TENM2: variants seen among roughly 807,000 people sequenced by gnomAD.
TENM2 encodes the protein teneurin-2.
TENM2 carries 52 observed loss-of-function variants against 245.2 expected under a neutral mutation model. The observed-to-expected ratio is 0.21, with a 90% confidence interval of 0.17 to 0.27. The LOEUF is 0.27. Among genes scored for constraint, TENM2 ranks in the 10% least tolerant of loss-of-function variants. The pLI, the probability that TENM2 is intolerant of heterozygous loss-of-function variation, is 1.00. For missense variants in TENM2, 3,046 were observed against 3,666.8 expected (o/e 0.83, Z 4.37); for synonymous variants, 1,363 against 1,438.9 (o/e 0.95, Z 1.19).
exon 5 of TENM2, chr5:167,993,074 A>G (rs780213834): frequency 6.2e-7 from 1 of 1,613,988 alleles, no homozygotes; most frequent in Non-Finnish European, 8.5e-7. Flanking sequence ...TTTCTCCAGG[A>G]AGGCTTTCAA....
At position 167,993,000 on chromosome 5, in the gene TENM2, C is replaced by T. The variant is rs1037422619; in HGVS notation, c.1004C>T (p.Pro335Leu). The T allele has an allele frequency of 1.9e-6, 3 of 1,613,954 alleles. No homozygotes were observed. The highest frequency in any genetic ancestry group is 4.5e-5 in the East Asian group (2 of 44,864). The stretch of plus-strand genomic sequence containing the variant: ...ACACCCTTGTTCAGCAGCTCTTCCC[C>T]GGGATACCCTTTGACCTCAGGAACG... Residue 335 changes from proline (P) to leucine (L), a missense_variant, in exon 5 of 29, where the codon CCG becomes CTG. Physicochemically the swap from Pro to Leu is moderately conservative, Grantham distance 98. Coordinates refer to ENST00000518659, the Ensembl canonical transcript of TENM2.
At chr5:167,974,768 C>T (rs919130370) in intron 4 of TENM2, among the ~76,000 whole-genome samples, 22 of 152,166 alleles carry the variant, frequency 1.4e-4, no homozygotes, top group African/African-American at 4.3e-4. Flanking sequence ...TAACCATCGC[C>T]CCATCCAGCC....
At chr5:167,061,129 C>T in the TENM2 span, among the ~76,000 whole-genome samples, 2 of 151,778 alleles carry the variant, frequency 1.3e-5, no homozygotes, top group Non-Finnish European at 2.9e-5. Context: ...CACATGCATA[C>T]GCACCCCCCA....
intron 1 of TENM2, among the ~76,000 whole-genome samples, chr5:167,308,898 G>A (rs960709886): frequency 1.6e-4 from 25 of 152,212 alleles, no homozygotes; most frequent in Admixed American, 1.6e-3. Context: ...CCATTTTGGG[G>A]GTGAAGGTTA....
At chr5:168,080,173 C>T (rs1315585184) in intron 7 of TENM2, among the ~76,000 whole-genome samples, 8 of 152,052 alleles carry the variant, frequency 5.3e-5, no homozygotes, top group South Asian at 2.1e-4. Context: ...GTGTGTGTGT[C>T]GAGGAATTTA....
At chr5:167,339,347 C>T (rs756746651) in intron 1 of TENM2, among the ~76,000 whole-genome samples, 2 of 152,116 alleles carry the variant, frequency 1.3e-5, no homozygotes, top group Non-Finnish European at 2.9e-5. Flanking sequence ...GATCTCTGTC[C>T]TCTTTAGCTG....
the TENM2 span, among the ~76,000 whole-genome samples, chr5:167,204,338 G>A: frequency 1.3e-5 from 2 of 152,180 alleles, no homozygotes; most frequent in Admixed American, 6.6e-5. Context: ...TAGCATCCAA[G>A]CTGTTTGGAA....
At chr5:167,384,058 A>T (rs2127344640) in intron 2 of TENM2, among the ~76,000 whole-genome samples, 1 of 152,282 alleles carries the variant, frequency 6.6e-6, no homozygotes, top group Non-Finnish European at 1.5e-5. Flanking sequence ...TTGTATTGGT[A>T]ATGACCGTAT....
At chr5:168,202,856 A>C (rs564294153) in intron 17 of TENM2, among the ~76,000 whole-genome samples, 2 of 152,222 alleles carry the variant, frequency 1.3e-5, no homozygotes, top group African/African-American at 4.8e-5. Flanking sequence ...GCAATGCCTC[A>C]TATTTCTAGA....
intron 3 of TENM2, among the ~76,000 whole-genome samples, chr5:167,921,907 A>G (rs1446421361): frequency 1.3e-5 from 2 of 152,144 alleles, no homozygotes; most frequent in African/African-American, 4.8e-5. Context: ...GGATTATAGA[A>G]CTTTCTCTGG....
chr5:167,049,444 A>C, the TENM2 span, among the ~76,000 whole-genome samples: 1 of 152,244 alleles, frequency 6.6e-6, no homozygotes, highest in Non-Finnish European at 1.5e-5. Flanking sequence ...TTACAATAGT[A>C]TTAATATGTA....
chr5:167,888,236 A>T (rs1774451776), intron 3 of TENM2, among the ~76,000 whole-genome samples: 1 of 152,112 alleles, frequency 6.6e-6, no homozygotes, highest in African/African-American at 2.4e-5. Context: ...ATAGCTCCCT[A>T]TGTCTTCTCT....
intron 5 of TENM2, among the ~76,000 whole-genome samples, chr5:168,043,156 G>A (rs553288214): frequency 6.6e-6 from 1 of 152,298 alleles, no homozygotes; most frequent in African/African-American, 2.4e-5. Context: ...GTGCATCCAG[G>A]ATCTCTTGAG....
intron 2 of TENM2, among the ~76,000 whole-genome samples, chr5:167,521,031 G>A (rs1164700217): frequency 6.6e-6 from 1 of 151,020 alleles, no homozygotes. Context: ...ATGAGATGGA[G>A]GTAATAGATG....
the TENM2 span, among the ~76,000 whole-genome samples, chr5:167,200,010 A>C: frequency 6.6e-6 from 1 of 152,028 alleles, no homozygotes; most frequent in Admixed American, 6.6e-5. Context: ...GAACTTAGGG[A>C]TACTTCTTTG....
intron 2 of TENM2, among the ~76,000 whole-genome samples, chr5:167,425,102 C>T (rs142653764): frequency 1.4e-4 from 21 of 152,274 alleles, no homozygotes; most frequent in African/African-American, 4.3e-4. Flanking sequence ...ACCTGCTTTG[C>T]AGTTTGAAAA....
intron 2 of TENM2, among the ~76,000 whole-genome samples, chr5:167,758,450 C>T (rs1318494731): frequency 1.3e-5 from 2 of 152,066 alleles, no homozygotes; most frequent in Non-Finnish European, 2.9e-5. Context: ...GGCAGGGGCA[C>T]TTCCTACCAG....
the TENM2 span, among the ~76,000 whole-genome samples, chr5:167,009,237 CAT>C: frequency 2.0e-5 from 3 of 152,204 alleles, no homozygotes; most frequent in Non-Finnish European, 2.9e-5. Context: ...CACACGCACA[CAT>C]ATACACACTC....
At chr5:167,770,928 G>A (rs768361324) in intron 2 of TENM2, among the ~76,000 whole-genome samples, 19 of 152,058 alleles carry the variant, frequency 1.2e-4, no homozygotes, top group Non-Finnish European at 2.4e-4. Context: ...TTCTTGGCAG[G>A]TTCCAAGTTG....
Sources: gnomAD v4.1 joint callset for allele counts (sites outside exome capture counted in the v4.1 genomes callset) on GRCh38, gnomAD v4.1.1 for gene constraint, MANE v1.5 for transcripts, NCBI Gene and HGNC (gene_info 2026-07-23, HGNC 2026-07-21) for gene names.